KCTD2: variants seen among roughly 807,000 people sequenced by gnomAD.
The protein encoded by KCTD2 is potassium channel tetramerization domain containing 2.
Under a neutral mutation model 27.9 loss-of-function variants are expected in KCTD2, and 18 were observed. The observed-to-expected ratio is 0.64, with a 90% CI of 0.45 to 0.96. The LOEUF (loss-of-function observed/expected upper bound fraction) is 0.96, where lower values mean the gene tolerates loss of function less well. Among genes scored for constraint, KCTD2 ranks in the 40% least tolerant of loss-of-function variants. The pLI, the probability that KCTD2 is intolerant of heterozygous loss-of-function variation, is 0.00. For missense variants in KCTD2, 280 were observed against 348.0 expected, an observed-to-expected ratio of 0.80 and a Z score of 1.56; for synonymous variants, 175 against 148.4, an observed-to-expected ratio of 1.18 and a Z score of -1.30.
chr17:75,042,714 G>A, upstream of KCTD2: 1 of 1,519,794 alleles, frequency 6.6e-7, no homozygotes, highest in Non-Finnish European at 8.9e-7. Context: ...ATTTTCAGTT[G>A]GGAAAAATGA....
chr17:75,047,181 G>A (rs964569564), upstream of KCTD2: 35 of 440,300 alleles, frequency 7.9e-5, no homozygotes, highest in African/African-American at 7.0e-4. Context: ...GGGCCGGCCC[G>A]GCTCTCCCTG....
chr17:75,047,915 G>C (rs778759356), intron 1 of KCTD2, among the ~76,000 whole-genome samples: 1 of 152,024 alleles, frequency 6.6e-6, no homozygotes, highest in Non-Finnish European at 1.5e-5. Flanking sequence ...ACTGAGATCT[G>C]CATGAGTTTT....
chr17:75,039,195 C>G (rs751675154), intron 3 of KCTD2: 1 of 1,613,846 alleles, frequency 6.2e-7, no homozygotes, highest in Non-Finnish European at 8.5e-7. Context: ...GCAACGGCTA[C>G]CCATCATCCT....
rs901707302 is a variant in KCTD2, at chr17:75,063,349, G to C, written c.*302G>C. 2 of 423,372 alleles carry C rather than the reference G, an allele frequency of 4.7e-6. No individual in the cohort carries two copies. The highest frequency in any genetic ancestry group is 3.5e-5 in the Admixed American group (1 of 28,686). The allele number at this position is 423,372 out of a possible 1,614,324, so 26.2% of individuals were successfully genotyped here. A position where few individuals can be genotyped will look rare whatever the true frequency, so the allele number is the denominator to read the frequency against. ...GGGTTCCCAGTCGGAGCCTTTCGGG[G>C]ATCTGGGGGATGAGGGCGGAAGGCC... On this transcript the variant is annotated 3_prime_UTR_variant, in exon 6 of 6. Transcript: ENST00000322444.
intron 3 of KCTD2, among the ~76,000 whole-genome samples, chr17:75,037,113 G>A (rs1346535582): frequency 6.6e-6 from 1 of 152,152 alleles, no homozygotes; most frequent in African/African-American, 2.4e-5. Flanking sequence ...GGGAGGCCAA[G>A]GCGGGCAGAT....
rs1192213198 is a variant in KCTD2 at position 75,063,288 on chromosome 17, A to G, written c.*241A>G. 1.7e-6 allele frequency: 1 copy of G among 577,814 alleles called. No homozygotes were observed. The highest frequency in any genetic ancestry group is 1.9e-5 in the African/African-American group (1 of 53,308). 35.8% of individuals were successfully genotyped at this position (577,814 alleles called of 1,614,324 possible). ...GAAACCTGCTTTCATTTGCTTAGCC[A>G]GTATTAGAACAGATCTTTACAACAG... is the stretch of plus-strand genomic sequence containing the variant. On this transcript the variant is annotated 3_prime_UTR_variant, in exon 6 of 6. Transcript: ENST00000322444.
intron 4 of KCTD2, among the ~76,000 whole-genome samples, chr17:75,059,848 A>G (rs2073385751): frequency 6.6e-6 from 1 of 152,214 alleles, no homozygotes; most frequent in South Asian, 2.1e-4. Context: ...AGGGGAGCCA[A>G]CGAGCAGTTT....
intron 3 of KCTD2, among the ~76,000 whole-genome samples, chr17:75,037,363 A>G (rs1056059022): frequency 1.3e-5 from 2 of 151,402 alleles, no homozygotes; most frequent in Non-Finnish European, 1.5e-5. Flanking sequence ...AAAAAAAAAA[A>G]AGAAATGGCA....
intron 3 of KCTD2, chr17:75,040,260 A>G: frequency 7.0e-7 from 1 of 1,433,978 alleles, no homozygotes; most frequent in Non-Finnish European, 9.8e-7. Context: ...AAAGGGCTGG[A>G]AGCTACGAAT....
At chr17:75,062,564 G>GC (rs74993944) in intron 5 of KCTD2, among the ~76,000 whole-genome samples, 14,605 of 152,076 alleles carry the variant, frequency 0.096, 1,532 homozygotes, top group East Asian at 0.62. Flanking sequence ...AAGGTATTTT[G>GC]ATTTATTCTT....
rs2073422445 is a variant in KCTD2, at chr17:75,063,201, C to T, written c.*154C>T. 6.9e-6 allele frequency: 5 copies of T among 722,206 alleles called. No individual in the cohort carries two copies. Among genetic ancestry groups the T allele is most frequent in the Middle Eastern group, 2.5e-4 (1 of 4,042 alleles). 44.7% of individuals were successfully genotyped at this position (722,206 alleles called of 1,614,324 possible). A position where few individuals can be genotyped will look rare whatever the true frequency, so the allele number is the denominator to read the frequency against. On this transcript the variant is annotated 3_prime_UTR_variant, in exon 6 of 6. Transcript: ENST00000322444. ...AGTGTTCTGGTCAAAACTAAAGGAACTCCCTCCCCACCTGCAGGACTCCGA... is the reference window on the plus strand; with the variant it reads ...AGTGTTCTGGTCAAAACTAAAGGAATTCCCTCCCCACCTGCAGGACTCCGA...
intron 2 of KCTD2, among the ~76,000 whole-genome samples, chr17:75,049,947 T>C (rs944894661): frequency 2.0e-5 from 3 of 152,244 alleles, no homozygotes; most frequent in African/African-American, 7.2e-5. Context: ...TAAAGGGGAC[T>C]GTCCCTAAAT....
chr17:75,039,991 G>A (rs746476235), intron 3 of KCTD2: 4 of 1,263,392 alleles, frequency 3.2e-6, no homozygotes, highest in African/African-American at 3.0e-5. Context: ...TTATATGGCT[G>A]TTAACTCTTC....
chr17:75,048,278 T>G (rs1377916600), intron 1 of KCTD2, among the ~76,000 whole-genome samples: 1 of 152,130 alleles, frequency 6.6e-6, no homozygotes, highest in African/African-American at 2.4e-5. Context: ...ACCAAAGGGT[T>G]GAGAGGTGAC....
chr17:75,062,743 C>CACACACACACACACACACAG (rs1325191013), intron 5 of KCTD2, among the ~76,000 whole-genome samples: 16 of 145,980 alleles, frequency 1.1e-4, no homozygotes, highest in Admixed American at 3.4e-4. Context: ...CACACACACA[C>CACACACACACACACACACAG]AGCTTCTAAA....
upstream of KCTD2, among the ~76,000 whole-genome samples, chr17:75,043,322 G>A (rs2073179372): frequency 6.6e-6 from 1 of 151,960 alleles, no homozygotes; most frequent in Non-Finnish European, 1.5e-5. Flanking sequence ...TAAAAGCCCA[G>A]CTCTCTTGGC....
At position 75,040,335 on chromosome 17, in the gene KCTD2, G is replaced by A. The variant is rs887387702; in HGVS notation, c.-259+4978G>A. 8.8e-6 allele frequency: 6 copies of A among 682,182 alleles called. No homozygotes were observed. In the Admixed American group the frequency reaches 1.5e-4, roughly 18 times the overall value. 42.3% of individuals were successfully genotyped at this position (682,182 alleles called of 1,614,324 possible). On this transcript the variant is annotated intron_variant, in intron 3 of 7. Transcript: ENST00000581589. ...GGAAACGAATACGCATCTCAATACT[G>A]GAGTAGAAAGAATATTAGACTGGGA...
upstream of KCTD2, chr17:75,042,435 T>C (rs554827656): frequency 6.0e-5 from 93 of 1,544,138 alleles, no homozygotes; most frequent in South Asian, 1.0e-3. Flanking sequence ...TATGTTGTCA[T>C]AAGGGCATCA....
chr17:75,036,138 C>G, intron 3 of KCTD2: 1 of 430,694 alleles, frequency 2.3e-6, no homozygotes, highest in Admixed American at 2.5e-5. Context: ...ACTTCAAGCT[C>G]CACCTCCTGG....
Sources: gnomAD v4.1 joint callset for allele counts (sites outside exome capture counted in the v4.1 genomes callset) on GRCh38, gnomAD v4.1.1 for gene constraint, MANE v1.5 for transcripts, NCBI Gene and HGNC (gene_info 2026-07-23, HGNC 2026-07-21) for gene names.